Variants in PALD1 observed in about 807,000 individuals in gnomAD.
PALD1 encodes phosphatase domain containing paladin 1.
Under a neutral mutation model 96.0 loss-of-function variants are expected in PALD1, and 57 were observed. That is an observed-to-expected ratio of 0.59 (90% confidence interval 0.48 to 0.74). The LOEUF (loss-of-function observed/expected upper bound fraction) is 0.74, where lower values mean the gene tolerates loss of function less well. PALD1 is among the 30% of genes least tolerant of loss of function. The pLI, the probability that PALD1 is intolerant of heterozygous loss-of-function variation, is 0.00. For missense variants in PALD1, 1,063 were observed against 1,143.7 expected (o/e 0.93, Z 1.02); for synonymous variants, 464 against 473.6 (o/e 0.98, Z 0.26).
At chr10:70,504,135 C>T (rs1051336786) in intron 1 of PALD1, among the ~76,000 whole-genome samples, 2 of 152,200 alleles carry the variant, frequency 1.3e-5, no homozygotes, top group African/African-American at 4.8e-5. Context: ...TCTCAGGGCT[C>T]CTTTACACTT....
chr10:70,544,134 G>A (rs1847313097), intron 17 of PALD1, among the ~76,000 whole-genome samples: 1 of 152,206 alleles, frequency 6.6e-6, no homozygotes. Context: ...AGCAGACACT[G>A]GTTCTAAGGG....
intron 18 of PALD1, among the ~76,000 whole-genome samples, chr10:70,554,581 C>T (rs985159195): frequency 6.6e-6 from 1 of 152,154 alleles, no homozygotes; most frequent in Non-Finnish European, 1.5e-5. Context: ...GGCGGTGACA[C>T]CCGCAGCAGA....
Position 70,567,788 on chromosome 10 carries a change from G to T in PALD1, c.*1055G>T, listed in dbSNP as rs2132458571. 1 of 152,650 alleles carries T rather than the reference G, an allele frequency of 6.6e-6. No homozygotes were observed. Among genetic ancestry groups the T allele is most frequent in the Admixed American group, 6.5e-5 (1 of 15,308 alleles). The allele number at this position is 152,650 out of a possible 1,614,324, so 9.5% of individuals were successfully genotyped here. On this transcript the variant is annotated 3_prime_UTR_variant, in exon 20 of 20. Coordinates refer to ENST00000263563, the MANE Select transcript of PALD1 (RefSeq NM_014431.3). The stretch of plus-strand genomic sequence containing the variant: ...GCCAGACCCTGCTGAGTTAGAGGCT[G>T]CTGGGATCCACTGTTTCCACACAGC...
chr10:70,539,349 A>C lies in PALD1; in HGVS notation c.1725+102A>C, dbSNP rs1847188009. ...TCACACTCCCGCAGACAGATGGAGA[A>C]TCTGAGGCCCCGGGAGGAGCAGTGT... is the stretch of plus-strand genomic sequence containing the variant. On this transcript the variant is annotated intron_variant, in intron 14 of 19. Transcript: ENST00000263563. This position sits in a 1 kb window ranked among gnomAD's most constrained non-coding sequence, Gnocchi z 4.5. 2 of 1,259,194 alleles carry C rather than the reference A, an allele frequency of 1.6e-6. No individual in the cohort carries two copies. The highest frequency in any genetic ancestry group is 5.1e-5 in the East Asian group (2 of 39,404). 78.0% of individuals were successfully genotyped at this position (1,259,194 alleles called of 1,614,324 possible).
At chr10:70,515,141 C>T (rs1028895449) in intron 1 of PALD1, among the ~76,000 whole-genome samples, 2 of 152,072 alleles carry the variant, frequency 1.3e-5, no homozygotes, top group African/African-American at 4.8e-5. Context: ...GAGACTCTGC[C>T]CTGCCCTCTT....
intron 1 of PALD1, among the ~76,000 whole-genome samples, chr10:70,523,289 GA>G (rs1399948076): frequency 6.6e-6 from 1 of 152,234 alleles, no homozygotes; most frequent in Non-Finnish European, 1.5e-5. Context: ...GCCCTGTGGG[GA>G]CGGGCCCTGA....
chr10:70,504,253 A>G (rs944729452), intron 1 of PALD1, among the ~76,000 whole-genome samples: 11 of 152,260 alleles, frequency 7.2e-5, no homozygotes, highest in Admixed American at 4.6e-4. Context: ...TCGGCTGGGC[A>G]TGGTGGCTCA....
At position 70,510,830 on chromosome 10, in the gene PALD1, CT is replaced by C. The variant is rs57883999; in HGVS notation, c.-29-15090del. Among the ~76,000 whole-genome samples the C allele has an allele frequency of 3.7e-3, 569 of 152,332 alleles. 4 individuals carry two copies. Among genetic ancestry groups the C allele is most frequent in the African/African-American group, 0.013 (532 of 41,568 alleles). Reference sequence around the variant, plus strand: ...GGAACAAACATTTAGCGGCTTGGGACTTTCGAAATCTCTGCAGCTGACTCAG... The same window carrying C: ...GGAACAAACATTTAGCGGCTTGGGACTTCGAAATCTCTGCAGCTGACTCAG... On this transcript the variant is annotated intron_variant, in intron 1 of 19. Transcript: ENST00000263563.
At chr10:70,529,361 C>A in intron 3 of PALD1, 30 bp downstream of exon 3, 2 of 1,069,764 alleles carry the variant, frequency 1.9e-6, no homozygotes, top group Non-Finnish European at 2.9e-6. Flanking sequence ...TGCCAGCCCG[C>A]CTGCTGCCTC....
the PALD1 span, among the ~76,000 whole-genome samples, chr10:70,465,488 C>A: frequency 6.6e-6 from 1 of 152,160 alleles, no homozygotes; most frequent in Non-Finnish European, 1.5e-5. Flanking sequence ...ATTTACTGAG[C>A]ACCTACTATA....
intron 5 of PALD1, among the ~76,000 whole-genome samples, chr10:70,532,034 C>T (rs61857080): frequency 0.14 from 20,678 of 151,128 alleles, 1,527 homozygotes; most frequent in South Asian, 0.21. Flanking sequence ...GTGAAAAGAG[C>T]GCTAGACCAG....
upstream of PALD1, among the ~76,000 whole-genome samples, chr10:70,478,554 C>A (rs991877777): frequency 6.6e-6 from 1 of 152,196 alleles, no homozygotes; most frequent in South Asian, 2.1e-4. Flanking sequence ...CAGTCTCCCC[C>A]GCCCCAAACT....
intron 1 of PALD1, among the ~76,000 whole-genome samples, chr10:70,503,872 A>C (rs1413757224): frequency 6.6e-6 from 1 of 152,046 alleles, no homozygotes; most frequent in Non-Finnish European, 1.5e-5. Flanking sequence ...CTCTTCTTTC[A>C]TGTCTGTGGC....
chr10:70,487,638 C>G (rs1846034994), intron 1 of PALD1, among the ~76,000 whole-genome samples: 1 of 151,998 alleles, frequency 6.6e-6, no homozygotes, highest in Non-Finnish European at 1.5e-5. Flanking sequence ...TAAAGGAAAA[C>G]TCCACCTATT....
intron 18 of PALD1, among the ~76,000 whole-genome samples, chr10:70,561,496 G>A (rs1847737438): frequency 6.6e-6 from 1 of 152,210 alleles, no homozygotes. Flanking sequence ...CTTGCAGATA[G>A]GTGGGGTTGC....
chr10:70,534,608 C>A, intron 9 of PALD1, 84 bp downstream of exon 9: 1 of 1,162,118 alleles, frequency 8.6e-7, no homozygotes, highest in Non-Finnish European at 1.3e-6. Flanking sequence ...CTCTTCCTTC[C>A]CGATACCCTC....
At chr10:70,559,801 G>A (rs888065563) in intron 18 of PALD1, among the ~76,000 whole-genome samples, 8 of 152,128 alleles carry the variant, frequency 5.3e-5, no homozygotes, top group African/African-American at 1.9e-4. Flanking sequence ...GTGGGTTTGG[G>A]CTGCCTGACC....
intron 1 of PALD1, among the ~76,000 whole-genome samples, chr10:70,500,684 C>A (rs984311264): frequency 2.0e-5 from 3 of 152,196 alleles, no homozygotes; most frequent in African/African-American, 7.2e-5. Flanking sequence ...GTGCTGGAGT[C>A]CCTGCGCTTC....
chr10:70,522,769 G>T lies in PALD1; in HGVS notation c.-29-3154G>T, dbSNP rs149456403. ...CTACCTTTGCTGACCCCTGTCCCTGGCAGGTGACCGCCGTGCTGTGACCAC... is the reference window on the plus strand; with the variant it reads ...CTACCTTTGCTGACCCCTGTCCCTGTCAGGTGACCGCCGTGCTGTGACCAC... On this transcript the variant is annotated intron_variant, in intron 1 of 19. Transcript: ENST00000263563. Among the ~76,000 whole-genome samples, 129 of 152,284 alleles carry T rather than the reference G, an allele frequency of 8.5e-4. 2 individuals are homozygous for T. The East Asian group carries it at 0.024, about 28-fold the overall frequency.
Sources: allele counts gnomAD v4.1 joint callset (sites outside exome capture counted in the v4.1 genomes callset), GRCh38; gene constraint gnomAD v4.1.1; non-coding constraint Gnocchi (gnomAD v3.1); transcripts MANE v1.5; gene names NCBI Gene and HGNC (gene_info 2026-07-23, HGNC 2026-07-21).